LIN28B: variants seen among roughly 807,000 people sequenced by gnomAD.
LIN28B encodes the protein protein lin-28 homolog B.
LIN28B carries 5 observed loss-of-function variants against 21.9 expected under a neutral mutation model. The observed-to-expected ratio is 0.23, with a 90% CI of 0.12 to 0.48. The LOEUF (loss-of-function observed/expected upper bound fraction) is 0.48, where lower values mean the gene tolerates loss of function less well. LIN28B is among the 20% of genes least tolerant of loss of function. The pLI, the probability that LIN28B is intolerant of heterozygous loss-of-function variation, is 0.98. For missense variants in LIN28B, 245 were observed against 310.5 expected, an observed-to-expected ratio of 0.79 and a Z score of 1.58; for synonymous variants, 109 against 111.3, an observed-to-expected ratio of 0.98 and a Z score of 0.13.
intron 2 of LIN28B, among the ~76,000 whole-genome samples, chr6:104,969,150 TA>T (rs1398070700): frequency 6.6e-6 from 1 of 152,204 alleles, no homozygotes; most frequent in Admixed American, 6.5e-5. Context: ...AGGGGTTGAT[TA>T]AACTGTGCGT....
chr6:104,995,297 C>CTA (rs1215871317), intron 2 of LIN28B, among the ~76,000 whole-genome samples: 1 of 152,028 alleles, frequency 6.6e-6, no homozygotes. Context: ...ATTTGGTAGA[C>CTA]TATTGGTTGT....
chr6:105,002,667 A>C (rs983207890), intron 2 of LIN28B, among the ~76,000 whole-genome samples: 8 of 152,196 alleles, frequency 5.3e-5, no homozygotes, highest in African/African-American at 1.9e-4. Flanking sequence ...ACTCCTTTAG[A>C]GCATATATCT....
chr6:105,008,506 T>C (rs1484430413), intron 2 of LIN28B, among the ~76,000 whole-genome samples: 3 of 151,792 alleles, frequency 2.0e-5, no homozygotes, highest in Non-Finnish European at 2.9e-5. Flanking sequence ...TAGCTGGGCG[T>C]GGTGGCGGGC....
At chr6:105,055,809 C>A (rs1368006896) in intron 3 of LIN28B, among the ~76,000 whole-genome samples, 1 of 152,014 alleles carries the variant, frequency 6.6e-6, no homozygotes, top group African/African-American at 2.4e-5. Context: ...TCCTTCCAGC[C>A]CAGGCCGGAG....
At chr6:105,041,557 C>G (rs898691036) in intron 3 of LIN28B, among the ~76,000 whole-genome samples, 11 of 151,982 alleles carry the variant, frequency 7.2e-5, no homozygotes, top group Non-Finnish European at 1.5e-4. Flanking sequence ...TAATTTGATA[C>G]TTAGTCTTGA....
intron 2 of LIN28B, among the ~76,000 whole-genome samples, chr6:105,017,072 C>CAAAAAAAA (rs56179020): frequency 5.8e-5 from 5 of 86,060 alleles, no homozygotes; most frequent in Non-Finnish European, 1.1e-4. Flanking sequence ...GACTCTGTCT[C>CAAAAAAAA]AAAAAAAAAA....
Position 105,019,126 on chromosome 6 carries a change from T to G in LIN28B, c.199-7172T>G, listed in dbSNP as rs575533420. ...ACACCCAGCTAATTTTTTTGTATTT[T>G]TAGTAGAGATGGGGTTTCACTATGT... On this transcript the variant is annotated intron_variant, in intron 2 of 3. Transcript: ENST00000345080. 2.2e-4 allele frequency among the ~76,000 whole-genome samples: 34 copies of G among 152,238 alleles called. No individual in the cohort carries two copies. In the South Asian group the frequency reaches 5.4e-3, roughly 24 times the overall value.
intron 2 of LIN28B, among the ~76,000 whole-genome samples, chr6:104,998,046 G>A (rs1427033862): frequency 2.0e-5 from 3 of 152,230 alleles, no homozygotes; most frequent in Middle Eastern, 3.4e-3. Flanking sequence ...AAGTCCTTTT[G>A]TTATCCATTT....
At chr6:105,001,908 T>C (rs995805692) in intron 2 of LIN28B, among the ~76,000 whole-genome samples, 1 of 152,218 alleles carries the variant, frequency 6.6e-6, no homozygotes. Flanking sequence ...AGAAAAAGTA[T>C]GTAGCACAAT....
chr6:105,063,648 GA>G lies in LIN28B; in HGVS notation c.384-14759del, dbSNP rs1230150037. Among the ~76,000 whole-genome samples the G allele has an allele frequency of 4.2e-4, 56 of 133,306 alleles. 1 individual carries two copies. Among genetic ancestry groups the G allele is most frequent in the African/African-American group, 5.9e-4 (21 of 35,836 alleles). 87.5% of individuals were successfully genotyped at this position (133,306 alleles called of 152,430 possible). On this transcript the variant is annotated intron_variant, in intron 3 of 3. Coordinates refer to ENST00000345080, the MANE Select transcript of LIN28B (RefSeq NM_001004317.4). ...AAGACTCCATCTCGGGGGGGGGGGG[GA>G]AAAAAAGGTAAAGTAAAGGATAATA...
chr6:104,986,191 C>T (rs995129063), intron 2 of LIN28B, among the ~76,000 whole-genome samples: 2 of 152,172 alleles, frequency 1.3e-5, no homozygotes, highest in African/African-American at 2.4e-5. Context: ...GCTTCTCCTT[C>T]ACCTTCTGCC....
chr6:105,021,808 A>G (rs1021462490), intron 2 of LIN28B, among the ~76,000 whole-genome samples: 1 of 152,116 alleles, frequency 6.6e-6, no homozygotes, highest in South Asian at 2.1e-4. Flanking sequence ...TGCTGTGAAG[A>G]AGGAGGCTTT....
In LIN28B at chr6:105,038,382, G is replaced by A. The variant is rs1771566483; in HGVS notation, c.383+11900G>A. ...GAAGAGGGAGTCTCTGGAGAGGCCT[G>A]TGGAAACTGCTGCCTCCGAGTGGAC... On this transcript the variant is annotated intron_variant, in intron 3 of 3. Transcript: ENST00000345080. Among the ~76,000 whole-genome samples the A allele has an allele frequency of 1.3e-5, 2 of 152,170 alleles. 1 individual carries two copies. Among genetic ancestry groups the A allele is most frequent in the East Asian group, 3.9e-4 (2 of 5,190 alleles).
intron 1 of LIN28B, 67 bp from the exon 2 acceptor site, chr6:104,958,032 T>G: frequency 8.2e-7 from 1 of 1,218,114 alleles, no homozygotes; most frequent in East Asian, 2.8e-5. Context: ...GCAATTTTTT[T>G]TTTTTAATCT....
chr6:104,958,826 C>A (rs1037263190), intron 2 of LIN28B, among the ~76,000 whole-genome samples: 1 of 152,112 alleles, frequency 6.6e-6, no homozygotes, highest in African/African-American at 2.4e-5. Flanking sequence ...TAAAATAGAA[C>A]ACTGTTGGCC....
chr6:104,974,355 G>A (rs1241377487), intron 2 of LIN28B, among the ~76,000 whole-genome samples: 1 of 151,896 alleles, frequency 6.6e-6, no homozygotes, highest in Non-Finnish European at 1.5e-5. Context: ...TGGGTGTGGT[G>A]GCATGTGCCT....
At chr6:105,064,120 G>T (rs1002519282) in intron 3 of LIN28B, among the ~76,000 whole-genome samples, 2 of 152,090 alleles carry the variant, frequency 1.3e-5, no homozygotes, top group African/African-American at 4.8e-5. Context: ...ATCTTATGTA[G>T]TGGCTCTGTG....
At chr6:104,964,576 A>C (rs1313697629) in intron 2 of LIN28B, among the ~76,000 whole-genome samples, 3 of 148,566 alleles carry the variant, frequency 2.0e-5, no homozygotes, top group Non-Finnish European at 4.6e-5. Flanking sequence ...ATTGTACCAT[A>C]TACAATGCAT....
At chr6:104,969,537 C>A (rs1769931388) in intron 2 of LIN28B, among the ~76,000 whole-genome samples, 1 of 152,124 alleles carries the variant, frequency 6.6e-6, no homozygotes, top group South Asian at 2.1e-4. Flanking sequence ...ATAGTTGATT[C>A]TTTATTGGGA....
Sources: gnomAD v4.1 joint callset for allele counts (sites outside exome capture counted in the v4.1 genomes callset) on GRCh38, gnomAD v4.1.1 for gene constraint, MANE v1.5 for transcripts, NCBI Gene and HGNC (gene_info 2026-07-23, HGNC 2026-07-21) for gene names.